The following DCC variants were observed in gnomAD, a reference collection of about 807,000 sequenced individuals.
The protein encoded by DCC is netrin receptor DCC.
DCC carries 58 observed loss-of-function variants against 172.5 expected under a neutral mutation model. The ratio of observed to expected loss-of-function variants is 0.34; its 90% CI spans 0.27 to 0.42. DCC has a LOEUF of 0.42. Ranked by LOEUF, DCC falls within the 10% of genes least tolerant of loss-of-function variation. The pLI, the probability that DCC is intolerant of heterozygous loss-of-function variation, is 1.00. For missense variants in DCC, 1,740 were observed against 1,791.0 expected, an observed-to-expected ratio of 0.97 and a Z score of 0.51; for synonymous variants, 709 against 644.5, an observed-to-expected ratio of 1.10 and a Z score of -1.52.
intron 7 of DCC, among the ~76,000 whole-genome samples, chr18:53,088,988 TAAAATA>T (rs1341303976): frequency 1.3e-5 from 2 of 152,344 alleles, no homozygotes; most frequent in Admixed American, 6.5e-5. Context: ...GTGTATTACT[TAAAATA>T]AATATGACCA....
At position 53,207,773 on chromosome 18, in the gene DCC, C is replaced by T. The variant is rs773588703; in HGVS notation, c.1817C>T (p.Pro606Leu). ...LRFLAYNRYG[P>L]GVSTDDITVV... is the part of the protein sequence containing the mutation. ...TTCTTAGCTTATAATCGCTATGGTC[C>T]GGGCGTCTCTACTGATGATATAACA... The change falls in exon 11 of 29, where the codon CCG (proline) becomes CTG (leucine). Residue 606 changes from proline (P) to leucine (L), a missense_variant. Physicochemically the swap from Pro to Leu is moderately conservative, Grantham distance 98. This residue lies in a region of DCC where 1,732 missense variants were observed against 1,767.4 expected (regional missense o/e 0.98). Coordinates refer to ENST00000442544, the MANE Select transcript of DCC (RefSeq NM_005215.4). 2.4e-5 allele frequency: 38 copies of T among 1,613,078 alleles called. No individual in the cohort carries two copies. Among genetic ancestry groups the T allele is most frequent in the African/African-American group, 1.2e-4 (9 of 74,872 alleles).
intron 12 of DCC, among the ~76,000 whole-genome samples, chr18:53,255,239 A>C (rs2144666823): frequency 6.6e-6 from 1 of 151,582 alleles, no homozygotes; most frequent in East Asian, 2.0e-4. Context: ...TTATACTTTA[A>C]GTTTTAGGGT....
chr18:53,176,461 T>C (rs1191423186), intron 8 of DCC, among the ~76,000 whole-genome samples: 1 of 148,912 alleles, frequency 6.7e-6, no homozygotes, highest in Admixed American at 6.7e-5. Flanking sequence ...GTATCTACAA[T>C]GAACTCAAAC....
chr18:52,358,037 T>A (rs1984455545), intron 1 of DCC, among the ~76,000 whole-genome samples: 1 of 152,054 alleles, frequency 6.6e-6, no homozygotes, highest in South Asian at 2.1e-4. Context: ...TACCCCCTGA[T>A]ATGATGTGAT....
intron 7 of DCC, among the ~76,000 whole-genome samples, chr18:53,133,272 C>T (rs2043685380): frequency 6.6e-6 from 1 of 152,154 alleles, no homozygotes; most frequent in Admixed American, 6.6e-5. Context: ...TAAAGCTGCT[C>T]CAGATATAAA....
chr18:52,917,653 G>A (rs528131378), intron 3 of DCC, among the ~76,000 whole-genome samples: 3 of 152,278 alleles, frequency 2.0e-5, no homozygotes, highest in South Asian at 4.1e-4. Flanking sequence ...CCATAGGGTG[G>A]TTCCACATTT....
chr18:52,802,683 T>TA (rs2038015717), intron 2 of DCC, among the ~76,000 whole-genome samples: 1 of 110,578 alleles, frequency 9.0e-6, no homozygotes, highest in African/African-American at 3.8e-5. Context: ...TTTTTTTTTT[T>TA]AATGGAGACA....
intron 1 of DCC, among the ~76,000 whole-genome samples, chr18:52,414,287 T>C (rs1193667556): frequency 6.6e-6 from 1 of 152,188 alleles, no homozygotes; most frequent in African/African-American, 2.4e-5. Context: ...TTTCACCATG[T>C]TGGCCAGGCT....
At chr18:52,599,906 C>T (rs1252182461) in intron 1 of DCC, among the ~76,000 whole-genome samples, 2 of 152,098 alleles carry the variant, frequency 1.3e-5, no homozygotes, top group Non-Finnish European at 1.5e-5. Flanking sequence ...GTGCTGTTAT[C>T]GCCCCTGTTC....
At position 53,200,981 on chromosome 18, in the gene DCC, T is replaced by A. The variant is rs550047288; in HGVS notation, c.1574-4235T>A. On this transcript the variant is annotated intron_variant, in intron 9 of 28. Transcript: ENST00000442544. Reference sequence around the variant, plus strand: ...TTCTCAGCAAATTTGCCACCTACTATGCATGTGGTGGATCAGATAAGGTGC... The same window carrying A: ...TTCTCAGCAAATTTGCCACCTACTAAGCATGTGGTGGATCAGATAAGGTGC... Among the ~76,000 whole-genome samples, 82 of 152,264 alleles carry A rather than the reference T, an allele frequency of 5.4e-4. 1 individual carries two copies. In the South Asian group the frequency reaches 0.016, roughly 30 times the overall value.
At position 52,409,837 on chromosome 18, in the gene DCC, C is replaced by T. The variant is rs567376322; in HGVS notation, c.91+68959C>T. Among the ~76,000 whole-genome samples the T allele has an allele frequency of 2.6e-4, 39 of 152,208 alleles. 2 individuals carry two copies. In the South Asian group the frequency reaches 8.1e-3, roughly 32 times the overall value. The stretch of plus-strand genomic sequence containing the variant: ...AGGTAGGAAGGGCAAGTATCATTAT[C>T]CTTATTTTGCAGTTGGAGAAACTGA... On this transcript the variant is annotated intron_variant, in intron 1 of 28. Coordinates refer to ENST00000442544, the MANE Select transcript of DCC (RefSeq NM_005215.4).
intron 2 of DCC, among the ~76,000 whole-genome samples, chr18:52,818,691 A>G (rs1490378758): frequency 1.3e-5 from 2 of 152,228 alleles, no homozygotes; most frequent in Non-Finnish European, 2.9e-5. Flanking sequence ...CTGAGATTCT[A>G]TTGGACTATC....
intron 1 of DCC, among the ~76,000 whole-genome samples, chr18:52,630,968 C>A (rs1370853521): frequency 1.3e-5 from 2 of 152,116 alleles, no homozygotes; most frequent in Non-Finnish European, 2.9e-5. Flanking sequence ...GCTAGCTGTC[C>A]ATTTTCAATC....
rs150646982 is a variant in DCC, at chr18:52,972,636, A to T, written c.985+47266A>T. Reference sequence around the variant, plus strand: ...TATATGAATACATGTATACTGGGCCAAAAGCAATGCAAAACTAAGGAATTA... The same window carrying T: ...TATATGAATACATGTATACTGGGCCTAAAGCAATGCAAAACTAAGGAATTA... On this transcript the variant is annotated intron_variant, in intron 5 of 28. Coordinates refer to ENST00000442544, the MANE Select transcript of DCC (RefSeq NM_005215.4). Among the ~76,000 whole-genome samples, 7 of 152,206 alleles carry T rather than the reference A, an allele frequency of 4.6e-5. No homozygotes were observed. In the East Asian group the frequency reaches 1.4e-3, roughly 29 times the overall value.
chr18:53,081,465 C>T lies in DCC; in HGVS notation c.1261+15299C>T, dbSNP rs866096142. The stretch of plus-strand genomic sequence containing the variant: ...ATCTCTAGATATCACCTAGGGAAAG[C>T]AGTCTCTATTGGGTATCAGTGATAA... On this transcript the variant is annotated intron_variant, in intron 7 of 28. Coordinates refer to ENST00000442544, the MANE Select transcript of DCC (RefSeq NM_005215.4). Among the ~76,000 whole-genome samples the T allele has an allele frequency of 9.9e-5, 15 of 151,942 alleles. No individual in the cohort carries two copies. In the Middle Eastern group the frequency reaches 0.017, roughly 172 times the overall value.
Position 53,481,540 on chromosome 18 carries a change from T to C in DCC, c.3737-5257T>C, listed in dbSNP as rs186582997. On this transcript the variant is annotated intron_variant, in intron 25 of 28. Coordinates refer to ENST00000442544, the MANE Select transcript of DCC (RefSeq NM_005215.4). ...ACAATAGAGGCTAAATTTCCAAATG[T>C]CCCAGATAATATACAGGTCATTGTG... 2.1e-3 allele frequency among the ~76,000 whole-genome samples: 313 copies of C among 152,206 alleles called. 2 individuals are homozygous for C. The highest frequency in any genetic ancestry group is 0.011 in the Admixed American group (169 of 15,264).
intron 1 of DCC, among the ~76,000 whole-genome samples, chr18:52,747,591 T>C (rs1162553884): frequency 1.3e-5 from 2 of 152,220 alleles, no homozygotes; most frequent in East Asian, 3.9e-4. Context: ...CTACAACTTT[T>C]TGAGCCACAG....
rs138029953 is a variant in DCC at position 52,416,101 on chromosome 18, T to A, written c.91+75223T>A. On this transcript the variant is annotated intron_variant, in intron 1 of 28. Transcript: ENST00000442544. ...TTGTTCTCGTTGGTTTCAAAGAACA[T>A]CTTTATTTCTGCCTTCATTTTGTTA... Among the ~76,000 whole-genome samples the A allele has an allele frequency of 3.4e-4, 52 of 152,324 alleles. No homozygotes were observed. The East Asian group carries it at 9.8e-3, about 29-fold the overall frequency.
rs529344557 is a variant in DCC at position 52,878,349 on chromosome 18, C to G, written c.413-27695C>G. Among the ~76,000 whole-genome samples, 10 of 152,308 alleles carry G rather than the reference C, an allele frequency of 6.6e-5. No individual in the cohort carries two copies. The East Asian group carries it at 1.9e-3, about 29-fold the overall frequency. On this transcript the variant is annotated intron_variant, in intron 2 of 28. Transcript: ENST00000442544. ...TTCTGGCACTGTCCATAACACAACT[C>G]ACTTTCTCCCTTGGATAAGAAACAG...
Sources: gnomAD v4.1 joint callset for allele counts (sites outside exome capture counted in the v4.1 genomes callset) on GRCh38, gnomAD v4.1.1 for gene constraint, gnomAD v4.1.1 regional missense constraint, MANE v1.5 for transcripts, NCBI Gene and HGNC (gene_info 2026-07-23, HGNC 2026-07-21) for gene names.